Variants in GRIK4 observed in about 807,000 individuals in gnomAD.
The protein encoded by GRIK4 is glutamate ionotropic receptor kainate type subunit 4.
GRIK4 carries 40 observed loss-of-function variants against 104.9 expected under a neutral mutation model. That is an observed-to-expected ratio of 0.38 (90% CI 0.30 to 0.50). The LOEUF is 0.50. GRIK4 is among the 20% of genes least tolerant of loss of function. GRIK4 has a pLI of 0.93. For synonymous variants in GRIK4, 485 were observed against 524.9 expected, an observed-to-expected ratio of 0.92 and a Z score of 1.04; for missense variants, 1,047 against 1,308.1, an observed-to-expected ratio of 0.80 and a Z score of 3.08.
intron 3 of GRIK4, among the ~76,000 whole-genome samples, chr11:120,747,732 G>A (rs1241778349): frequency 1.3e-5 from 2 of 152,234 alleles, no homozygotes; most frequent in Non-Finnish European, 2.9e-5. Context: ...TTTTGGTATT[G>A]TGGTTAATAT....
chr11:120,696,718 C>T (rs1950454761), intron 3 of GRIK4, among the ~76,000 whole-genome samples: 1 of 152,056 alleles, frequency 6.6e-6, no homozygotes, highest in Non-Finnish European at 1.5e-5. Context: ...AAGGCAGCGG[C>T]AGCAGGGGTG....
intron 1 of GRIK4, among the ~76,000 whole-genome samples, chr11:120,574,513 T>A (rs963364158): frequency 1.3e-5 from 2 of 152,212 alleles, no homozygotes; most frequent in African/African-American, 4.8e-5. Context: ...TTCAGGCCTC[T>A]GTTTGAATGT....
At chr11:120,896,453 C>T (rs1438179798) in intron 11 of GRIK4, among the ~76,000 whole-genome samples, 2 of 152,248 alleles carry the variant, frequency 1.3e-5, no homozygotes, top group African/African-American at 2.4e-5. Context: ...GGACAGCTGC[C>T]CACCCTTTTC....
At chr11:120,576,504 A>G (rs567903461) in intron 1 of GRIK4, 3 of 152,230 alleles carry the variant, frequency 2.0e-5, no homozygotes, top group African/African-American at 4.8e-5. Flanking sequence ...GGGAGAAGCA[A>G]GAGAGGGATC....
chr11:120,895,618 C>A (rs1349275609), intron 11 of GRIK4, among the ~76,000 whole-genome samples: 1 of 152,194 alleles, frequency 6.6e-6, no homozygotes, highest in Non-Finnish European at 1.5e-5. Context: ...CAAGAGACAG[C>A]AGCAGAAACA....
At chr11:120,983,832 C>G (rs993303679) in intron 20 of GRIK4, among the ~76,000 whole-genome samples, 1 of 152,222 alleles carries the variant, frequency 6.6e-6, no homozygotes, top group Non-Finnish European at 1.5e-5. Flanking sequence ...AAGACTGTGT[C>G]TTTTATCCCT....
intron 3 of GRIK4, among the ~76,000 whole-genome samples, chr11:120,719,257 T>C (rs987366504): frequency 6.6e-6 from 1 of 152,212 alleles, no homozygotes; most frequent in Non-Finnish European, 1.5e-5. Context: ...AATAATAGGC[T>C]GTAGCAACTT....
chr11:120,921,846 C>T (rs1474293447), intron 13 of GRIK4, among the ~76,000 whole-genome samples: 1 of 152,214 alleles, frequency 6.6e-6, no homozygotes, highest in Non-Finnish European at 1.5e-5. Flanking sequence ...ATTCTTTAAG[C>T]TTTAAACCTA....
chr11:120,602,000 C>A (rs542914960), intron 1 of GRIK4, among the ~76,000 whole-genome samples: 1 of 152,086 alleles, frequency 6.6e-6, no homozygotes, highest in Non-Finnish European at 1.5e-5. Flanking sequence ...TGAAATGGAA[C>A]CCTCACCTTC....
chr11:120,580,199 C>CTTTCTTTCTT, intron 1 of GRIK4, among the ~76,000 whole-genome samples: 1 of 30,646 alleles, frequency 3.3e-5, no homozygotes, highest in African/African-American at 1.2e-4. Flanking sequence ...TACAAGGGTT[C>CTTTCTTTCTT]TTTCTTTCTT....
intron 16 of GRIK4, among the ~76,000 whole-genome samples, chr11:120,959,769 T>TG (rs1206724291): frequency 6.6e-6 from 1 of 152,204 alleles, no homozygotes; most frequent in African/African-American, 2.4e-5. Context: ...ATTGTAAGAG[T>TG]ATTTTCTAAT....
chr11:120,938,742 G>C (rs1219248800), intron 13 of GRIK4, among the ~76,000 whole-genome samples: 1 of 152,206 alleles, frequency 6.6e-6, no homozygotes, highest in African/African-American at 2.4e-5. Flanking sequence ...ATTAGAAAAT[G>C]TCAATCATTG....
intron 8 of GRIK4, chr11:120,858,902 G>T (rs1954189469): frequency 1.3e-5 from 2 of 152,168 alleles, no homozygotes; most frequent in South Asian, 4.1e-4. Flanking sequence ...GGCAGTAAAA[G>T]AATGTGCCCC....
chr11:120,779,428 G>T (rs2135470247), intron 3 of GRIK4, among the ~76,000 whole-genome samples: 1 of 152,302 alleles, frequency 6.6e-6, no homozygotes, highest in Non-Finnish European at 1.5e-5. Flanking sequence ...CATGGTGGAA[G>T]AAGAAGGTGA....
At chr11:120,583,463 C>G (rs1445151798) in intron 1 of GRIK4, among the ~76,000 whole-genome samples, 1 of 152,042 alleles carries the variant, frequency 6.6e-6, no homozygotes, top group Non-Finnish European at 1.5e-5. Context: ...GGTTATCTTC[C>G]AGGGTTTTTA....
rs148310126 is a variant in GRIK4, at chr11:120,903,001, G to A, written c.1273-2289G>A. ...GCCTTCTGGCTGCCCACTTCATCAC[G>A]CCCACATCCTGCTCTCCCTCACAGT... On this transcript the variant is annotated intron_variant, in intron 12 of 20. Coordinates refer to ENST00000527524, the MANE Select transcript of GRIK4 (RefSeq NM_014619.5). The surrounding 1 kb of genome is among the most constrained non-coding windows in gnomAD (Gnocchi z 4.4). 3.3e-5 allele frequency among the ~76,000 whole-genome samples: 5 copies of A among 152,082 alleles called. No homozygotes were observed. The highest frequency in any genetic ancestry group is 3.9e-4 in the East Asian group (2 of 5,162).
intron 3 of GRIK4, among the ~76,000 whole-genome samples, chr11:120,703,326 C>T (rs1950581937): frequency 6.6e-6 from 1 of 152,150 alleles, no homozygotes; most frequent in Non-Finnish European, 1.5e-5. Flanking sequence ...TCAACCTACC[C>T]TCTGCTTCCC....
intron 12 of GRIK4, among the ~76,000 whole-genome samples, chr11:120,900,085 G>A (rs1399948581): frequency 6.6e-6 from 1 of 152,196 alleles, no homozygotes; most frequent in Non-Finnish European, 1.5e-5. Flanking sequence ...GGGGTTTCAA[G>A]GAGAGAGAGG....
intron 3 of GRIK4, among the ~76,000 whole-genome samples, chr11:120,772,486 C>A (rs1336986833): frequency 2.0e-5 from 3 of 152,010 alleles, no homozygotes; most frequent in Non-Finnish European, 4.4e-5. Flanking sequence ...CTGTATATTC[C>A]CCATCCTCTG....
Sources: gnomAD v4.1 joint callset for allele counts (sites outside exome capture counted in the v4.1 genomes callset) on GRCh38, gnomAD v4.1.1 for gene constraint, Gnocchi (gnomAD v3.1) non-coding constraint, MANE v1.5 for transcripts, NCBI Gene and HGNC (gene_info 2026-07-23, HGNC 2026-07-21) for gene names.